Variants in SLC38A12 observed in about 807,000 individuals in gnomAD.
The protein encoded by SLC38A12 is solute carrier family 38 member 12.
chr17:74,777,154 C>A, the SLC38A12 span: 760 of 699,770 alleles, frequency 1.1e-3, 2 homozygotes, highest in African/African-American at 0.013. Flanking sequence ...GATACTGAGG[C>A]CCTAAGTGTC....
At chr17:74,831,919 GT>G in the SLC38A12 span, among the ~76,000 whole-genome samples, 1 of 152,222 alleles carries the variant, frequency 6.6e-6, no homozygotes, top group South Asian at 2.1e-4. Flanking sequence ...TCCTGGCAGG[GT>G]CTCCATAACC....
chr17:74,827,304 T>TC, the SLC38A12 span, among the ~76,000 whole-genome samples: 1 of 151,732 alleles, frequency 6.6e-6, no homozygotes, highest in Admixed American at 6.6e-5. This position sits in a 1 kb window ranked among gnomAD's most constrained non-coding sequence, Gnocchi z 4.7. Context: ...TCTCCTTTTT[T>TC]TTTTTTTTTT....
At chr17:74,829,514 T>G in the SLC38A12 span, among the ~76,000 whole-genome samples, 3 of 152,126 alleles carry the variant, frequency 2.0e-5, no homozygotes, top group East Asian at 5.8e-4. This position sits in a 1 kb window ranked among gnomAD's most constrained non-coding sequence, Gnocchi z 4.1. Flanking sequence ...TCTAGATGCT[T>G]CTCGGTGCTT....
At chr17:74,804,331 T>G in the SLC38A12 span, among the ~76,000 whole-genome samples, 1 of 152,276 alleles carries the variant, frequency 6.6e-6, no homozygotes, top group Non-Finnish European at 1.5e-5. Context: ...CCCTGCACAC[T>G]GGCTCAAAAG....
chr17:74,830,445 T>C, the SLC38A12 span, among the ~76,000 whole-genome samples: 3 of 152,270 alleles, frequency 2.0e-5, no homozygotes, highest in Admixed American at 6.5e-5. Flanking sequence ...AGGGACTTCT[T>C]ATCTGGCTGT....
chr17:74,832,045 G>A, the SLC38A12 span, among the ~76,000 whole-genome samples: 5 of 151,606 alleles, frequency 3.3e-5, no homozygotes, highest in Admixed American at 6.6e-5. Context: ...TGCTCCTCCC[G>A]CAGCCAGGGG....
the SLC38A12 span, among the ~76,000 whole-genome samples, chr17:74,776,769 G>C: frequency 6.6e-6 from 1 of 152,168 alleles, no homozygotes; most frequent in Non-Finnish European, 1.5e-5. Flanking sequence ...TGGGGCCAGG[G>C]AGTGGAGGCC....
At chr17:74,778,833 T>C in the SLC38A12 span, among the ~76,000 whole-genome samples, 2 of 151,998 alleles carry the variant, frequency 1.3e-5, no homozygotes, top group Admixed American at 1.3e-4. Context: ...CCTGCCCAGC[T>C]AATTTTTTGT....
chr17:74,801,963 A>G, the SLC38A12 span, among the ~76,000 whole-genome samples: 1 of 151,840 alleles, frequency 6.6e-6, no homozygotes, highest in African/African-American at 2.4e-5. Context: ...CTAGCCAGGG[A>G]CAGCGTGAAC....
the SLC38A12 span, chr17:74,795,140 C>T: frequency 7.5e-6 from 12 of 1,598,886 alleles, no homozygotes; most frequent in African/African-American, 2.7e-5. Flanking sequence ...CCCAGGTTGG[C>T]GGTAGCCAAA....
At chr17:74,799,987 C>G in the SLC38A12 span, among the ~76,000 whole-genome samples, 1 of 152,236 alleles carries the variant, frequency 6.6e-6, no homozygotes, top group Admixed American at 6.5e-5. Context: ...GACTCCCACC[C>G]ACACAGTAAA....
the SLC38A12 span, among the ~76,000 whole-genome samples, chr17:74,819,554 C>T: frequency 6.6e-6 from 1 of 152,222 alleles, no homozygotes; most frequent in Admixed American, 6.5e-5. Context: ...GGAAGCATGG[C>T]TCTGGAGCTT....
chr17:74,818,745 T>A, the SLC38A12 span, among the ~76,000 whole-genome samples: 1 of 152,212 alleles, frequency 6.6e-6, no homozygotes, highest in Non-Finnish European at 1.5e-5. Context: ...TGGCACTGTG[T>A]AAATGTTAAT....
chr17:74,838,046 G>T, the SLC38A12 span: 1 of 985,870 alleles, frequency 1.0e-6, no homozygotes. Flanking sequence ...GACGATGTAG[G>T]GTCTCCCGGG....
the SLC38A12 span, among the ~76,000 whole-genome samples, chr17:74,816,148 C>T: frequency 1.3e-5 from 2 of 152,202 alleles, no homozygotes; most frequent in Admixed American, 1.3e-4. Flanking sequence ...ACGGCTCCTC[C>T]CTGTCAGCCC....
At chr17:74,813,239 C>G in the SLC38A12 span, among the ~76,000 whole-genome samples, 2 of 152,350 alleles carry the variant, frequency 1.3e-5, no homozygotes, top group Admixed American at 1.3e-4. Context: ...ACATTGCCCG[C>G]TTTTCAAGTC....
the SLC38A12 span, among the ~76,000 whole-genome samples, chr17:74,824,271 G>A: frequency 6.6e-6 from 1 of 152,184 alleles, no homozygotes; most frequent in Admixed American, 6.5e-5. Context: ...CTCTGAGCTG[G>A]GAGAATGAAA....
chr17:74,836,498 G>T, the SLC38A12 span: 11 of 1,611,786 alleles, frequency 6.8e-6, no homozygotes, highest in South Asian at 1.1e-5. The surrounding 1 kb of genome is among the most constrained non-coding windows in gnomAD (Gnocchi z 4.2). Flanking sequence ...CCGGCATCCA[G>T]TACGTCATCC....
the SLC38A12 span, chr17:74,790,823 AT>A: frequency 1.4e-6 from 1 of 698,128 alleles, no homozygotes; most frequent in Non-Finnish European, 2.4e-6. Flanking sequence ...AGCAGGAAAC[AT>A]TAGGAAAAGT....
Sources: allele counts gnomAD v4.1 joint callset (sites outside exome capture counted in the v4.1 genomes callset), GRCh38; gene constraint gnomAD v4.1.1; non-coding constraint Gnocchi (gnomAD v3.1); transcripts MANE v1.5; gene names NCBI Gene and HGNC (gene_info 2026-07-23, HGNC 2026-07-21).